LRMDA: variants seen among roughly 807,000 people sequenced by gnomAD.
LRMDA encodes leucine-rich melanocyte differentiation-associated protein.
In LRMDA, 18 loss-of-function variants were observed where a neutral mutation model predicts 29.8. The ratio of observed to expected loss-of-function variants is 0.60; its 90% CI spans 0.42 to 0.90. LRMDA has a LOEUF of 0.90. Among genes scored for constraint, LRMDA ranks in the 40% least tolerant of loss-of-function variants. The pLI is 0.00. For missense variants in LRMDA, 273 were observed against 273.9 expected, an observed-to-expected ratio of 1.00 and a Z score of 0.02; for synonymous variants, 125 against 109.4, an observed-to-expected ratio of 1.14 and a Z score of -0.89.
intron 6 of LRMDA, among the ~76,000 whole-genome samples, chr10:76,326,468 A>G (rs1269207942): frequency 6.6e-6 from 1 of 152,202 alleles, no homozygotes; most frequent in Non-Finnish European, 1.5e-5. Flanking sequence ...GCTTACAAAC[A>G]TTTATGCAGA....
At chr10:76,286,911 T>C (rs1378992169) in intron 5 of LRMDA, among the ~76,000 whole-genome samples, 2 of 152,160 alleles carry the variant, frequency 1.3e-5, no homozygotes, top group Non-Finnish European at 2.9e-5. Context: ...GGGGGATCTA[T>C]AGTGGTAAAA....
chr10:75,825,851 C>T lies in LRMDA; in HGVS notation c.132-210157C>T, dbSNP rs762025384. On this transcript the variant is annotated intron_variant, in intron 2 of 6. Coordinates refer to ENST00000611255, the MANE Select transcript of LRMDA (RefSeq NM_001305581.2). ...TGAGAACTCATAAGACTCTTGAAGG[C>T]GGAGGTTACCCAGTGACCCCCTTGC... Among the ~76,000 whole-genome samples the T allele has an allele frequency of 2.6e-5, 4 of 152,174 alleles. 1 individual carries two copies. Among genetic ancestry groups the T allele is most frequent in the South Asian group, 4.2e-4 (2 of 4,810 alleles).
At chr10:76,054,870 C>T (rs1430644049) in intron 4 of LRMDA, among the ~76,000 whole-genome samples, 1 of 151,140 alleles carries the variant, frequency 6.6e-6, no homozygotes, top group East Asian at 2.0e-4. Flanking sequence ...TTGAGTCCAG[C>T]CTGGCCAACA....
chr10:75,893,945 AC>A (rs1296488691), intron 2 of LRMDA, among the ~76,000 whole-genome samples: 2 of 140,036 alleles, frequency 1.4e-5, no homozygotes, highest in African/African-American at 5.3e-5. Flanking sequence ...AAAAAAAAAA[AC>A]AAAAAAAAAA....
intron 2 of LRMDA, among the ~76,000 whole-genome samples, chr10:75,897,438 T>C (rs2132360249): frequency 6.6e-6 from 1 of 152,278 alleles, no homozygotes; most frequent in South Asian, 2.1e-4. Context: ...AGGGTGACTG[T>C]AGGAGATGAG....
chr10:75,607,794 G>A (rs553914552), intron 2 of LRMDA, among the ~76,000 whole-genome samples: 4 of 149,076 alleles, frequency 2.7e-5, no homozygotes, highest in Non-Finnish European at 4.4e-5. Flanking sequence ...GTGATTCCTA[G>A]GCCCCACTCC....
chr10:75,689,213 T>G (rs1441773233), intron 2 of LRMDA, among the ~76,000 whole-genome samples: 1 of 152,202 alleles, frequency 6.6e-6, no homozygotes. Context: ...GGAAATCACT[T>G]CTTATTCTTA....
intron 2 of LRMDA, among the ~76,000 whole-genome samples, chr10:76,011,459 G>T (rs1428792850): frequency 1.3e-5 from 2 of 152,188 alleles, no homozygotes; most frequent in Non-Finnish European, 2.9e-5. Context: ...TGGAGCCATT[G>T]CTGTGAGCCA....
chr10:75,667,113 C>T (rs958661101), intron 2 of LRMDA, among the ~76,000 whole-genome samples: 3 of 151,972 alleles, frequency 2.0e-5, no homozygotes, highest in African/African-American at 7.3e-5. Context: ...TATTGAAATA[C>T]AACTTTCATT....
chr10:75,582,307 G>A (rs969879983), intron 2 of LRMDA, among the ~76,000 whole-genome samples: 1 of 152,220 alleles, frequency 6.6e-6, no homozygotes, highest in Admixed American at 6.5e-5. Flanking sequence ...TGGACATCCA[G>A]GCTTTTGCAT....
At chr10:75,898,229 C>A (rs1845616110) in intron 2 of LRMDA, among the ~76,000 whole-genome samples, 1 of 151,948 alleles carries the variant, frequency 6.6e-6, no homozygotes, top group African/African-American at 2.4e-5. Flanking sequence ...GCTACTTAGT[C>A]CAAGAATTTA....
intron 5 of LRMDA, among the ~76,000 whole-genome samples, chr10:76,182,038 A>C (rs895685275): frequency 2.0e-5 from 3 of 152,204 alleles, no homozygotes; most frequent in Non-Finnish European, 4.4e-5. Context: ...AGATCTAGCA[A>C]TACCTACCTC....
Position 76,465,935 on chromosome 10 carries a change from G to A in LRMDA, c.602-91274G>A, listed in dbSNP as rs193119547. On this transcript the variant is annotated intron_variant, in intron 6 of 6. Coordinates refer to ENST00000611255, the MANE Select transcript of LRMDA (RefSeq NM_001305581.2). ...AGGACACCAGTTATATGGGATTAGG[G>A]CCCACCCCAATGACCTCATTTTAAC... is the stretch of plus-strand genomic sequence containing the variant. Among the ~76,000 whole-genome samples, 9 of 152,164 alleles carry A rather than the reference G, an allele frequency of 5.9e-5. No homozygotes were observed. The East Asian group carries it at 1.7e-3, about 30-fold the overall frequency.
At chr10:76,006,812 G>A (rs886999638) in intron 2 of LRMDA, among the ~76,000 whole-genome samples, 8 of 152,122 alleles carry the variant, frequency 5.3e-5, no homozygotes, top group Non-Finnish European at 7.4e-5. Flanking sequence ...TTAAAAAGAC[G>A]TGGCTTTCTA....
chr10:76,281,766 C>T (rs1432043780), intron 5 of LRMDA, among the ~76,000 whole-genome samples: 1 of 152,182 alleles, frequency 6.6e-6, no homozygotes, highest in African/African-American at 2.4e-5. Flanking sequence ...CACTATTGGA[C>T]ATGTGCCAAG....
intron 2 of LRMDA, among the ~76,000 whole-genome samples, chr10:75,750,288 C>A (rs1414937303): frequency 6.6e-6 from 1 of 150,754 alleles, no homozygotes; most frequent in East Asian, 2.0e-4. Flanking sequence ...GGCGGCTGGC[C>A]GGGCAGGGGC....
intron 2 of LRMDA, among the ~76,000 whole-genome samples, chr10:75,647,336 A>G (rs1266435231): frequency 6.6e-6 from 1 of 152,206 alleles, no homozygotes; most frequent in Non-Finnish European, 1.5e-5. Flanking sequence ...GGTGGTTTTC[A>G]GCCCCATGAA....
rs989656447 is a variant in LRMDA at position 76,051,171 on chromosome 10, G to A, written c.398+3868G>A. 2.0e-5 allele frequency among the ~76,000 whole-genome samples: 3 copies of A among 152,368 alleles called. No individual in the cohort carries two copies. In the South Asian group the frequency reaches 6.2e-4, roughly 32 times the overall value. Reference sequence around the variant, plus strand: ...TCTGGGCTGCCACCATTTCCCAGACGAATAGGAGCTGTAAAACTTGTGGCT... The same window carrying A: ...TCTGGGCTGCCACCATTTCCCAGACAAATAGGAGCTGTAAAACTTGTGGCT... On this transcript the variant is annotated intron_variant, in intron 4 of 6. Coordinates refer to ENST00000611255, the MANE Select transcript of LRMDA (RefSeq NM_001305581.2).
chr10:76,095,644 G>A (rs1338029679), intron 5 of LRMDA, among the ~76,000 whole-genome samples: 1 of 152,178 alleles, frequency 6.6e-6, no homozygotes, highest in East Asian at 1.9e-4. Flanking sequence ...CTACTCACTT[G>A]CTATATATAA....
Sources: gnomAD v4.1 joint callset for allele counts (sites outside exome capture counted in the v4.1 genomes callset) on GRCh38, gnomAD v4.1.1 for gene constraint, MANE v1.5 for transcripts, NCBI Gene and HGNC (gene_info 2026-07-23, HGNC 2026-07-21) for gene names.